Variants in KLHL13 observed in about 807,000 individuals in gnomAD.
KLHL13 encodes kelch like family member 13.
A neutral mutation model predicts 37.1 loss-of-function variants in KLHL13; 10 were observed. That is an observed-to-expected ratio of 0.27 (90% CI 0.17 to 0.46). The LOEUF is 0.46. Ranked by LOEUF, KLHL13 falls within the 20% of genes least tolerant of loss-of-function variation. The pLI, the probability that KLHL13 is intolerant of heterozygous loss-of-function variation, is 1.00. For synonymous variants in KLHL13, 163 were observed against 181.2 expected, an observed-to-expected ratio of 0.90 and a Z score of 0.81; for missense variants, 360 against 509.3, an observed-to-expected ratio of 0.71 and a Z score of 2.82.
intron 1 of KLHL13, among the ~76,000 whole-genome samples, chrX:117,960,147 G>T (rs1345892530): frequency 9.0e-6 from 1 of 111,088 alleles, no homozygotes; most frequent in Non-Finnish European, 1.9e-5. Context: ...CGGGGCACAG[G>T]TTGGGGGCAG....
At chrX:118,097,704 C>G (rs964493003) in intron 1 of KLHL13, among the ~76,000 whole-genome samples, 3 of 111,821 alleles carry the variant, frequency 2.7e-5, no homozygotes, top group South Asian at 3.8e-4. Context: ...GTAACCAAAA[C>G]AGCATGGTAC....
intron 1 of KLHL13, among the ~76,000 whole-genome samples, chrX:117,990,332 A>G (rs1357741810): frequency 1.8e-5 from 2 of 111,009 alleles, no homozygotes; most frequent in Non-Finnish European, 3.8e-5. Flanking sequence ...AGTAAGGAAA[A>G]CACTTAACTA....
In KLHL13 at chrX:118,040,173, T is replaced by C. The variant is rs6646052; in HGVS notation, c.-56+76335A>G. On this transcript the variant is annotated intron_variant, in intron 1 of 6. Coordinates refer to the KLHL13 transcript ENST00000371882. ...CAAGTCCACACTGCAAAGATTAAAATAAATACATAACTCTTCAATGCCCAG... is the reference window on the plus strand; with the variant it reads ...CAAGTCCACACTGCAAAGATTAAAACAAATACATAACTCTTCAATGCCCAG... 7.1e-3 allele frequency among the ~76,000 whole-genome samples: 789 copies of C among 111,234 alleles called. 6 individuals carry two copies. Among genetic ancestry groups the C allele is most frequent in the African/African-American group, 0.023 (697 of 30,617 alleles).
At chrX:118,033,996 G>A (rs1172872053) in intron 1 of KLHL13, among the ~76,000 whole-genome samples, 1 of 100,713 alleles carries the variant, frequency 9.9e-6, no homozygotes, top group Non-Finnish European at 2.0e-5. Flanking sequence ...GACAAAGAAG[G>A]CCATTACATA....
intron 1 of KLHL13, among the ~76,000 whole-genome samples, chrX:118,011,073 A>G (rs1386048856): frequency 9.2e-6 from 1 of 108,332 alleles, no homozygotes; most frequent in African/African-American, 3.4e-5. Flanking sequence ...ACACTGTCTC[A>G]AAATAAATAA....
At chrX:118,063,926 A>G (rs1416043290) in intron 1 of KLHL13, among the ~76,000 whole-genome samples, 1 of 112,046 alleles carries the variant, frequency 8.9e-6, no homozygotes, top group Non-Finnish European at 1.9e-5. Context: ...AAAAATTATT[A>G]TAGTTATTTT....
At chrX:117,939,024 G>T (rs144221671) in intron 2 of KLHL13, among the ~76,000 whole-genome samples, 2 of 110,049 alleles carry the variant, frequency 1.8e-5, no homozygotes, top group Non-Finnish European at 3.8e-5. Context: ...ACGTGCCATG[G>T]TGGCTTGCTG....
chrX:117,956,031 C>G (rs1366502000), intron 1 of KLHL13, among the ~76,000 whole-genome samples: 1 of 111,414 alleles, frequency 9.0e-6, no homozygotes, highest in East Asian at 2.8e-4. Context: ...TTTTACTACA[C>G]TCCTAGAAAG....
At chrX:117,997,360 TG>T (rs1449043096) in intron 1 of KLHL13, among the ~76,000 whole-genome samples, 1 of 111,545 alleles carries the variant, frequency 9.0e-6, no homozygotes, top group Non-Finnish European at 1.9e-5. Context: ...TCTTTTAAAA[TG>T]TAGGTATCCA....
chrX:117,898,881 T>C (rs1198047882), exon 7 of KLHL13: 1 of 1,171,382 alleles, frequency 8.5e-7, no homozygotes, highest in African/African-American at 1.8e-5. Context: ...AAGATAGAAC[T>C]ACAGCATCTT....
At chrX:118,110,795 C>T (rs760278089) in intron 1 of KLHL13, among the ~76,000 whole-genome samples, 3 of 111,571 alleles carry the variant, frequency 2.7e-5, no homozygotes, top group Non-Finnish European at 5.6e-5. Context: ...TTCTTACCCC[C>T]ACCCCCACAA....
chrX:118,048,945 T>C (rs1028292744), intron 1 of KLHL13, among the ~76,000 whole-genome samples: 1 of 112,179 alleles, frequency 8.9e-6, no homozygotes, highest in Non-Finnish European at 1.9e-5. Flanking sequence ...TCAAGCAATT[T>C]TATTCATAAG....
At chrX:118,007,317 G>A (rs1385514651) in intron 1 of KLHL13, among the ~76,000 whole-genome samples, 2 of 99,422 alleles carry the variant, frequency 2.0e-5, no homozygotes, top group African/African-American at 3.7e-5. Flanking sequence ...GCTGAGGTGG[G>A]AGAATCACTT....
chrX:117,929,596 T>C (rs991637312), intron 2 of KLHL13, among the ~76,000 whole-genome samples: 2 of 109,619 alleles, frequency 1.8e-5, no homozygotes, highest in African/African-American at 6.6e-5. Context: ...TCTTAATGAC[T>C]ACAGAAAAAA....
At chrX:118,028,482 A>C in intron 1 of KLHL13, 2 of 1,086,161 alleles carry the variant, frequency 1.8e-6, no homozygotes, top group South Asian at 2.0e-5. Flanking sequence ...ATCACCTCTA[A>C]AAGTTGGATA....
At chrX:118,111,441 A>G (rs1314692262) in intron 1 of KLHL13, among the ~76,000 whole-genome samples, 1 of 113,094 alleles carries the variant, frequency 8.8e-6, no homozygotes, top group East Asian at 2.8e-4. Context: ...TCAGAGCTTT[A>G]GAAATTTAAA....
intron 1 of KLHL13, among the ~76,000 whole-genome samples, chrX:118,045,371 C>CAAAA (rs55736320): frequency 2.8e-5 from 2 of 72,595 alleles, no homozygotes; most frequent in African/African-American, 9.8e-5. Flanking sequence ...AAGACTCCAT[C>CAAAA]AAAAAAAAAA....
chrX:118,089,614 A>AG (rs1569313840), intron 1 of KLHL13, among the ~76,000 whole-genome samples: 8 of 57,549 alleles, frequency 1.4e-4, no homozygotes, highest in African/African-American at 4.9e-4. Context: ...GAGAGAGAGA[A>AG]AGAAAGAGAA....
chrX:117,924,874 A>G (rs897849039), intron 2 of KLHL13, among the ~76,000 whole-genome samples: 1 of 110,771 alleles, frequency 9.0e-6, no homozygotes, highest in African/African-American at 3.3e-5. Flanking sequence ...ATGCTGGAAA[A>G]TAGCATTTTA....
Sources: gnomAD v4.1 joint callset for allele counts (sites outside exome capture counted in the v4.1 genomes callset) on GRCh38, gnomAD v4.1.1 for gene constraint, MANE v1.5 for transcripts, NCBI Gene and HGNC (gene_info 2026-07-23, HGNC 2026-07-21) for gene names.